The following PRKCA variants were observed in gnomAD, a reference collection of about 807,000 sequenced individuals.
PRKCA encodes the protein protein kinase C alpha type.
A neutral mutation model predicts 87.0 loss-of-function variants in PRKCA; 27 were observed. That is an observed-to-expected ratio of 0.31 (90% CI 0.23 to 0.43). The LOEUF (loss-of-function observed/expected upper bound fraction) is 0.43, where lower values mean the gene tolerates loss of function less well. PRKCA is among the 20% of genes least tolerant of loss of function. The pLI, the probability that PRKCA is intolerant of heterozygous loss-of-function variation, is 1.00. For missense variants in PRKCA, 518 were observed against 852.3 expected (o/e 0.61, Z 4.88); for synonymous variants, 329 against 311.1 (o/e 1.06, Z -0.61).
Position 66,634,862 on chromosome 17 carries a change from G to A in PRKCA, c.289-6493G>A, listed in dbSNP as rs539480878. Among the ~76,000 whole-genome samples, 4 of 152,314 alleles carry A rather than the reference G, an allele frequency of 2.6e-5. No homozygotes were observed. In the East Asian group the frequency reaches 7.7e-4, roughly 29 times the overall value. On this transcript the variant is annotated intron_variant, in intron 3 of 16. Transcript: ENST00000413366. Reference sequence around the variant, plus strand: ...TCTTTCCTCCCTGTTAGACTGTCATGTCAGTCCTCTGTGTGTGGGAGGTGA... The same window carrying A: ...TCTTTCCTCCCTGTTAGACTGTCATATCAGTCCTCTGTGTGTGGGAGGTGA...
At chr17:66,735,685 C>A in intron 10 of PRKCA, 23 bp downstream of exon 10, 1 of 1,606,918 alleles carries the variant, frequency 6.2e-7, no homozygotes, top group Non-Finnish European at 8.5e-7. Context: ...GGAATCCCTG[C>A]GATGCAGTAC....
chr17:66,750,377 C>T (rs1219930691), intron 13 of PRKCA, among the ~76,000 whole-genome samples: 7 of 152,174 alleles, frequency 4.6e-5, no homozygotes, highest in Admixed American at 1.3e-4. Flanking sequence ...ATGAAGCCGC[C>T]GCTTTCCCTC....
intron 2 of PRKCA, among the ~76,000 whole-genome samples, chr17:66,436,920 T>C (rs1913426036): frequency 1.3e-5 from 2 of 152,166 alleles, no homozygotes; most frequent in African/African-American, 4.8e-5. Context: ...AATGTACCAC[T>C]GATTAGGCTT....
chr17:66,338,599 T>C (rs1456980113), intron 2 of PRKCA, among the ~76,000 whole-genome samples: 1 of 152,122 alleles, frequency 6.6e-6, no homozygotes, highest in Non-Finnish European at 1.5e-5. Context: ...TTTAAACATA[T>C]GGGGTTTCCA....
chr17:66,689,178 A>C lies in PRKCA; in HGVS notation c.918+131A>C. On this transcript the variant is annotated intron_variant, in intron 8 of 16. Transcript: ENST00000413366. The surrounding 1 kb of genome is among the most constrained non-coding windows in gnomAD (Gnocchi z 4.1). ...CTCAATGTTAATGATCTTTTTCTTT[A>C]TTTAAAAACATGAATGTTGTTCGTT... The C allele has an allele frequency of 1.7e-6, 1 of 577,810 alleles. No homozygotes were observed. Among genetic ancestry groups the C allele is most frequent in the Non-Finnish European group, 3.0e-6 (1 of 330,996 alleles). 35.8% of individuals were successfully genotyped at this position (577,810 alleles called of 1,614,324 possible). A position where few individuals can be genotyped will look rare whatever the true frequency, so the allele number is the denominator to read the frequency against.
intron 2 of PRKCA, among the ~76,000 whole-genome samples, chr17:66,309,894 C>T (rs1382675567): frequency 6.6e-6 from 1 of 152,104 alleles, no homozygotes; most frequent in African/African-American, 2.4e-5. Context: ...GGTCTGTTTC[C>T]AGTTGGTAGT....
intron 2 of PRKCA, among the ~76,000 whole-genome samples, chr17:66,336,634 T>TTATA (rs1555585105): frequency 7.0e-6 from 1 of 142,626 alleles, no homozygotes; most frequent in African/African-American, 2.6e-5. Flanking sequence ...AAAGTACCTG[T>TTATA]TATATAGTAA....
intron 3 of PRKCA, among the ~76,000 whole-genome samples, chr17:66,631,121 C>G (rs1293549434): frequency 1.3e-5 from 2 of 152,082 alleles, no homozygotes; most frequent in Non-Finnish European, 2.9e-5. Context: ...GCTAAAGTCC[C>G]TAAGTGAAAA....
Position 66,660,765 on chromosome 17 carries a change from C to T in PRKCA, c.529+15254C>T, listed in dbSNP as rs192134876. Among the ~76,000 whole-genome samples, 18 of 151,834 alleles carry T rather than the reference C, an allele frequency of 1.2e-4. No homozygotes were observed. In the East Asian group the frequency reaches 2.9e-3, roughly 25 times the overall value. ...TATAATAACAATACAAAAAATTAGC[C>T]GGGTGTGGTGGCGGGCGCCTGTAGT... is the stretch of plus-strand genomic sequence containing the variant. On this transcript the variant is annotated intron_variant, in intron 5 of 16. Transcript: ENST00000413366.
At chr17:66,785,562 T>C (rs1031801623) in intron 14 of PRKCA, among the ~76,000 whole-genome samples, 10 of 152,160 alleles carry the variant, frequency 6.6e-5, no homozygotes, top group African/African-American at 2.2e-4. Context: ...GAATTTCCCA[T>C]GAACGCTTTC....
intron 2 of PRKCA, among the ~76,000 whole-genome samples, chr17:66,435,445 G>A (rs1440830640): frequency 6.6e-6 from 1 of 152,190 alleles, no homozygotes; most frequent in East Asian, 1.9e-4. Context: ...GTGCTTGTGT[G>A]CTGTGTTCTT....
intron 2 of PRKCA, among the ~76,000 whole-genome samples, chr17:66,308,645 T>C (rs947195159): frequency 9.2e-5 from 14 of 152,218 alleles, no homozygotes; most frequent in Non-Finnish European, 1.6e-4. Context: ...ACATGCTGTC[T>C]GCTTGTTATA....
intron 13 of PRKCA, among the ~76,000 whole-genome samples, chr17:66,756,285 C>G (rs1433341987): frequency 6.6e-6 from 1 of 152,152 alleles, no homozygotes; most frequent in Non-Finnish European, 1.5e-5. Flanking sequence ...AGACCCTAAC[C>G]TACCTAGAAG....
chr17:66,525,891 C>T (rs935337939), intron 3 of PRKCA, among the ~76,000 whole-genome samples: 1 of 152,042 alleles, frequency 6.6e-6, no homozygotes, highest in Non-Finnish European at 1.5e-5. Context: ...ACATTCTGTG[C>T]ACATAATTAT....
chr17:66,492,556 A>G (rs887474484), intron 2 of PRKCA, among the ~76,000 whole-genome samples: 3 of 152,218 alleles, frequency 2.0e-5, no homozygotes, highest in Admixed American at 6.5e-5. Flanking sequence ...TAAGTAGGGA[A>G]TAGGAATGCT....
chr17:66,735,621 C>A lies in PRKCA; in HGVS notation c.1189C>A (p.Pro397Thr), dbSNP rs1421635110. 4 of 1,614,168 alleles carry A rather than the reference C, an allele frequency of 2.5e-6. No individual in the cohort carries two copies. Among genetic ancestry groups the A allele is most frequent in the Admixed American group, 3.3e-5 (2 of 60,018 alleles). Residue 397 changes from proline (P) to threonine (T), a missense_variant, in exon 10 of 17, where the codon CCC becomes ACC. Pro to Thr is a conservative substitution (Grantham distance 38). Around this residue, in one of 5 missense-constraint regions of PRKCA, gnomAD observed 300 missense variants for 496.8 expected, o/e 0.60. Coordinates refer to ENST00000413366, the MANE Select transcript of PRKCA (RefSeq NM_002737.3). ...EKRVLALLDK[P>T]PFLTQLHSCF... is the part of the protein sequence containing the mutation. ...GCGAGTCTTGGCCCTGCTTGACAAA[C>A]CCCCGTTCTTGACGCAGCTGCACTC...
intron 3 of PRKCA, among the ~76,000 whole-genome samples, chr17:66,561,090 T>C (rs893133344): frequency 6.6e-6 from 1 of 152,216 alleles, no homozygotes; most frequent in African/African-American, 2.4e-5. Flanking sequence ...GAACCAGAGC[T>C]ACAGTTTTCC....
chr17:66,391,273 T>C (rs1327146130), intron 2 of PRKCA, among the ~76,000 whole-genome samples: 1 of 152,200 alleles, frequency 6.6e-6, no homozygotes, highest in Non-Finnish European at 1.5e-5. Context: ...AACTTGCATA[T>C]ACTTTGTTCG....
At chr17:66,595,365 C>T (rs1046835024) in intron 3 of PRKCA, among the ~76,000 whole-genome samples, 3 of 151,788 alleles carry the variant, frequency 2.0e-5, no homozygotes, top group African/African-American at 4.8e-5. Context: ...GTACATCAGT[C>T]GTTGAATTTA....
Sources: allele counts gnomAD v4.1 joint callset (sites outside exome capture counted in the v4.1 genomes callset), GRCh38; gene constraint gnomAD v4.1.1; regional missense constraint gnomAD v4.1.1; non-coding constraint Gnocchi (gnomAD v3.1); transcripts MANE v1.5; gene names NCBI Gene and HGNC (gene_info 2026-07-23, HGNC 2026-07-21).